PDE1C: variants seen among roughly 807,000 people sequenced by gnomAD.
The protein encoded by PDE1C is phosphodiesterase 1C, also known as dual specificity calcium/calmodulin-dependent 3',5'-cyclic nucleotide phosphodiesterase 1C.
Under a neutral mutation model 93.1 loss-of-function variants are expected in PDE1C, and 62 were observed. The observed-to-expected ratio is 0.67, with a 90% confidence interval of 0.54 to 0.82. PDE1C has a LOEUF of 0.82. Among genes scored for constraint, PDE1C ranks in the 40% least tolerant of loss-of-function variants. PDE1C has a pLI of 0.00. For synonymous variants in PDE1C, 325 were observed against 310.1 expected (o/e 1.05, Z -0.50); for missense variants, 742 against 884.6 (o/e 0.84, Z 2.04).
the PDE1C span, among the ~76,000 whole-genome samples, chr7:31,720,950 GA>G: frequency 1.3e-5 from 2 of 151,688 alleles, no homozygotes; most frequent in African/African-American, 2.4e-5. Context: ...TAATTTCAGA[GA>G]AAAAAAAGAG....
the PDE1C span, among the ~76,000 whole-genome samples, chr7:31,648,638 G>A: frequency 1.3e-5 from 2 of 152,094 alleles, no homozygotes; most frequent in South Asian, 4.1e-4. Flanking sequence ...AAAATTCAAT[G>A]TTTATGATGT....
intron 1 of PDE1C, among the ~76,000 whole-genome samples, chr7:32,295,893 CAAAAAAAAA>C (rs147462417): frequency 1.2e-5 from 1 of 85,124 alleles, no homozygotes; most frequent in East Asian, 3.3e-4. Flanking sequence ...GACTCTGTCT[CAAAAAAAAA>C]AAAAAAAAAA....
chr7:32,405,503 G>A (rs552524224), intron 1 of PDE1C, among the ~76,000 whole-genome samples: 9 of 152,050 alleles, frequency 5.9e-5, no homozygotes, highest in East Asian at 1.9e-4. Context: ...TGCCCACCTC[G>A]GCCTCAGTGC....
chr7:32,267,582 ACACACT>A lies in PDE1C; in HGVS notation c.85+31063_85+31068del, dbSNP rs1263897845. On this transcript the variant is annotated intron_variant, in intron 1 of 18. Coordinates refer to the PDE1C transcript ENST00000396193. ...CTCTTTCTCTCTCTCTCACACACAC[ACACACT>A]CTCTCTCTCTCTCTCTCTCTCTCTC... Among the ~76,000 whole-genome samples the A allele has an allele frequency of 1.7e-4, 12 of 70,564 alleles. No individual in the cohort carries two copies. The East Asian group carries it at 4.2e-3, about 25-fold the overall frequency. 46.3% of individuals were successfully genotyped at this position (70,564 alleles called of 152,430 possible).
chr7:32,046,261 A>G (rs191222442), intron 2 of PDE1C, among the ~76,000 whole-genome samples: 30 of 152,256 alleles, frequency 2.0e-4, no homozygotes, highest in Admixed American at 1.7e-3. Context: ...ACATTTTTAA[A>G]ATAACTGAAA....
chr7:32,371,225 A>C (rs923205687), intron 1 of PDE1C, among the ~76,000 whole-genome samples: 3 of 152,036 alleles, frequency 2.0e-5, no homozygotes, highest in Admixed American at 6.6e-5. Flanking sequence ...GTTTTTGCCT[A>C]CCCAACTCCT....
intron 17 of PDE1C, among the ~76,000 whole-genome samples, chr7:31,764,401 T>C (rs780459099): frequency 6.6e-6 from 1 of 152,092 alleles, no homozygotes; most frequent in Non-Finnish European, 1.5e-5. Flanking sequence ...CACCTCAGCC[T>C]CACAAAGTAC....
chr7:31,884,167 C>T lies in PDE1C; in HGVS notation c.129-3307G>A, dbSNP rs147592745. The stretch of plus-strand genomic sequence containing the variant: ...CGTCACTCTGTTTATGGAAGAACAC[C>T]CAGCTGACATTCACCTTTCTTTACT... On this transcript the variant is annotated intron_variant, in intron 2 of 17. Coordinates refer to ENST00000396191, the MANE Select transcript of PDE1C (RefSeq NM_001191057.4). 9.9e-3 allele frequency among the ~76,000 whole-genome samples: 1,512 copies of T among 152,080 alleles called. 13 individuals are homozygous for T. Among genetic ancestry groups the T allele is most frequent in the Non-Finnish European group, 0.018 (1,193 of 67,964 alleles).
At chr7:31,689,464 C>A in the PDE1C span, among the ~76,000 whole-genome samples, 2 of 152,104 alleles carry the variant, frequency 1.3e-5, no homozygotes, top group Non-Finnish European at 2.9e-5. Flanking sequence ...ACAAGTGCAG[C>A]ATCCCTTTAT....
At chr7:31,695,479 A>G in the PDE1C span, 1 of 1,603,740 alleles carries the variant, frequency 6.2e-7, no homozygotes, top group Non-Finnish European at 8.5e-7. Context: ...ATGATCTTTC[A>G]GACCAGTTCA....
intron 1 of PDE1C, among the ~76,000 whole-genome samples, chr7:32,346,549 G>A (rs922515707): frequency 6.6e-6 from 1 of 152,204 alleles, no homozygotes; most frequent in African/African-American, 2.4e-5. Context: ...CTCCATGCCT[G>A]AAGGGGAGAA....
At chr7:32,340,777 A>T (rs56113383) in intron 1 of PDE1C, among the ~76,000 whole-genome samples, 7,300 of 152,312 alleles carry the variant, frequency 0.048, 269 homozygotes, top group South Asian at 0.19. Context: ...ACAGTATGAC[A>T]TTCTAGAAAA....
At chr7:32,418,085 C>T (rs895438404) in intron 1 of PDE1C, among the ~76,000 whole-genome samples, 1 of 152,272 alleles carries the variant, frequency 6.6e-6, no homozygotes, top group East Asian at 1.9e-4. Flanking sequence ...AACTCCTGGG[C>T]TCAAGTGATC....
chr7:31,697,203 G>A, the PDE1C span: 69 of 1,506,392 alleles, frequency 4.6e-5, 1 homozygote, highest in Middle Eastern at 9.8e-4. Context: ...GGGCCTGGCC[G>A]TTGTCCTGCC....
intron 16 of PDE1C, chr7:31,787,356 T>C (rs1203927034): frequency 6.6e-6 from 1 of 152,178 alleles, no homozygotes; most frequent in African/African-American, 2.4e-5. Flanking sequence ...CCATTTGAAT[T>C]TAATGGGTTA....
At chr7:32,390,967 A>G (rs2099306) in intron 1 of PDE1C, among the ~76,000 whole-genome samples, 36,192 of 152,174 alleles carry the variant, frequency 0.24, 5,128 homozygotes, top group East Asian at 0.61. Context: ...AAAGAGGAAC[A>G]TAAGAACAAA....
Position 31,850,990 on chromosome 7 carries a change from G to A in PDE1C, c.751-249C>T. 4 of 409,556 alleles carry A rather than the reference G, an allele frequency of 9.8e-6. No homozygotes were observed. The Admixed American group carries it at 1.1e-4, about 11-fold the overall frequency. 25.4% of individuals were successfully genotyped at this position (409,556 alleles called of 1,614,324 possible). A position where few individuals can be genotyped will look rare whatever the true frequency, so the allele number is the denominator to read the frequency against. On this transcript the variant is annotated intron_variant, in intron 7 of 17. Transcript: ENST00000396191. ...GTTTTATCTTTTTCAAGAAATCAAA[G>A]AGAATGAACATGAAGACTTGAAAAG...
At chr7:32,304,961 T>C (rs990728001) in intron 1 of PDE1C, among the ~76,000 whole-genome samples, 1 of 152,162 alleles carries the variant, frequency 6.6e-6, no homozygotes, top group Non-Finnish European at 1.5e-5. Context: ...AGTTAATCCA[T>C]AATCAGGGGC....
At chr7:32,070,440 C>G, upstream of PDE1C, 1 of 1,607,370 alleles carries the variant, frequency 6.2e-7, no homozygotes, top group South Asian at 1.1e-5. Flanking sequence ...ATAGTTTGGG[C>G]TGTCCCCTCC....
Sources: gnomAD v4.1 joint callset for allele counts (sites outside exome capture counted in the v4.1 genomes callset) on GRCh38, gnomAD v4.1.1 for gene constraint, MANE v1.5 for transcripts, NCBI Gene and HGNC (gene_info 2026-07-23, HGNC 2026-07-21) for gene names.